The following HDAC9 variants were observed in gnomAD, a reference collection of about 807,000 sequenced individuals.
HDAC9 encodes the protein MEF-2 interacting transcription repressor (MITR) protein.
In HDAC9, 41 loss-of-function variants were observed where a neutral mutation model predicts 139.4. That is an observed-to-expected ratio of 0.29 (90% confidence interval 0.23 to 0.38). HDAC9 has a LOEUF of 0.38. Ranked by LOEUF, HDAC9 falls within the 10% of genes least tolerant of loss-of-function variation. The pLI, the probability that HDAC9 is intolerant of heterozygous loss-of-function variation, is 1.00. For synonymous variants in HDAC9, 517 were observed against 476.2 expected (o/e 1.09, Z -1.12); for missense variants, 1,147 against 1,297.0 (o/e 0.88, Z 1.78).
chr7:18,088,460 A>G lies in HDAC9; in HGVS notation c.-97+1247A>G, dbSNP rs117294308. Among the ~76,000 whole-genome samples, 810 of 152,336 alleles carry G rather than the reference A, an allele frequency of 5.3e-3. 5 individuals carry two copies. The highest frequency in any genetic ancestry group is 8.2e-3 in the Non-Finnish European group (561 of 68,028). On this transcript the variant is annotated intron_variant, in intron 1 of 12. Transcript: ENST00000417496. ...CTGGAAAAAGGGAGTACGTACATAG[A>G]AAACCCATATTAAAGGAAAAAAACA...
At chr7:18,532,866 G>T (rs1003766390) in intron 2 of HDAC9, among the ~76,000 whole-genome samples, 13 of 151,340 alleles carry the variant, frequency 8.6e-5, no homozygotes, top group Non-Finnish European at 8.8e-5. Flanking sequence ...TATCCGTTTA[G>T]AAAATTATTT....
chr7:18,649,495 G>T (rs971509685), intron 11 of HDAC9, among the ~76,000 whole-genome samples: 4 of 152,044 alleles, frequency 2.6e-5, no homozygotes, highest in African/African-American at 9.7e-5. Flanking sequence ...CCTTTGTGCT[G>T]TATCATCTAC....
At chr7:18,567,760 A>T (rs1237946377) in intron 2 of HDAC9, among the ~76,000 whole-genome samples, 2 of 152,084 alleles carry the variant, frequency 1.3e-5, no homozygotes, top group Non-Finnish European at 2.9e-5. Flanking sequence ...TAGTGGTTTG[A>T]CTACAGATCT....
At chr7:18,461,153 A>G (rs550549165) in intron 1 of HDAC9, among the ~76,000 whole-genome samples, 2 of 152,190 alleles carry the variant, frequency 1.3e-5, no homozygotes, top group African/African-American at 4.8e-5. Context: ...TATTTCTCTC[A>G]GACATACGCA....
intron 2 of HDAC9, among the ~76,000 whole-genome samples, chr7:18,506,353 G>A (rs1407899909): frequency 6.6e-6 from 1 of 152,110 alleles, no homozygotes; most frequent in African/African-American, 2.4e-5. Context: ...GACACACAGG[G>A]TTTATTTTTA....
At chr7:18,416,075 C>A (rs1233073458) in intron 1 of HDAC9, among the ~76,000 whole-genome samples, 3 of 152,124 alleles carry the variant, frequency 2.0e-5, no homozygotes, top group African/African-American at 7.2e-5. Flanking sequence ...GGGCGGATCA[C>A]CTGAGGTCAG....
At chr7:18,561,162 G>A (rs1290493953) in intron 2 of HDAC9, among the ~76,000 whole-genome samples, 1 of 152,204 alleles carries the variant, frequency 6.6e-6, no homozygotes, top group African/African-American at 2.4e-5. Flanking sequence ...TCAGTTATTT[G>A]TGGTGGCATT....
chr7:18,518,237 G>T (rs1803862322), intron 2 of HDAC9, among the ~76,000 whole-genome samples: 1 of 152,034 alleles, frequency 6.6e-6, no homozygotes, highest in African/African-American at 2.4e-5. Flanking sequence ...TCATTTATTT[G>T]GGAACTTCTT....
chr7:18,354,786 A>G (rs1783124143), intron 1 of HDAC9, among the ~76,000 whole-genome samples: 1 of 152,134 alleles, frequency 6.6e-6, no homozygotes. Flanking sequence ...GGATGTGGTG[A>G]GGGAAATGCC....
At chr7:18,772,867 A>G (rs1255325024) in intron 16 of HDAC9, among the ~76,000 whole-genome samples, 2 of 152,210 alleles carry the variant, frequency 1.3e-5, no homozygotes, top group African/African-American at 4.8e-5. Flanking sequence ...AATGCATGAA[A>G]TATTATTAAA....
intron 2 of HDAC9, among the ~76,000 whole-genome samples, chr7:18,166,167 T>C (rs1387499185): frequency 6.6e-6 from 1 of 152,236 alleles, no homozygotes; most frequent in African/African-American, 2.4e-5. Context: ...TAGAACACAA[T>C]GTGCCTGTTG....
In HDAC9 at chr7:18,962,458, T is replaced by C. The variant is rs148900006; in HGVS notation, c.3022+8228T>C. Among the ~76,000 whole-genome samples, 36 of 152,244 alleles carry C rather than the reference T, an allele frequency of 2.4e-4. No homozygotes were observed. In the East Asian group the frequency reaches 4.3e-3, roughly 18 times the overall value. Reference sequence around the variant, plus strand: ...TTGGTGGCGCCCTAATACTAGAATGTATCAGAATAAAAAAGAAAAGTCTGC... The same window carrying C: ...TTGGTGGCGCCCTAATACTAGAATGCATCAGAATAAAAAAGAAAAGTCTGC... On this transcript the variant is annotated intron_variant, in intron 24 of 25. Coordinates refer to ENST00000686413, the MANE Select transcript of HDAC9 (RefSeq NM_178425.4).
At chr7:18,288,261 T>C (rs73305234), upstream of HDAC9, among the ~76,000 whole-genome samples, 3,082 of 152,298 alleles carry the variant, frequency 0.02, 106 homozygotes, top group African/African-American at 0.07. Context: ...AAGAAATAAA[T>C]ATCAGATCTT....
intron 2 of HDAC9, among the ~76,000 whole-genome samples, chr7:18,238,512 A>T (rs1039403594): frequency 6.6e-6 from 1 of 151,380 alleles, no homozygotes; most frequent in African/African-American, 2.4e-5. Context: ...GCTTTTGATG[A>T]CATGCCTTCA....
chr7:18,377,087 T>C (rs1430119094), intron 1 of HDAC9, among the ~76,000 whole-genome samples: 1 of 152,128 alleles, frequency 6.6e-6, no homozygotes, highest in Non-Finnish European at 1.5e-5. Flanking sequence ...CAACAGAAAT[T>C]GATTTCTCAC....
At chr7:18,843,064 C>T (rs1412885562) in intron 21 of HDAC9, among the ~76,000 whole-genome samples, 1 of 151,944 alleles carries the variant, frequency 6.6e-6, no homozygotes, top group African/African-American at 2.4e-5. Flanking sequence ...TTTTTCTCTG[C>T]CTTAAAATGG....
At chr7:18,903,745 A>C in intron 22 of HDAC9, among the ~76,000 whole-genome samples, 1 of 152,204 alleles carries the variant, frequency 6.6e-6, no homozygotes, top group Non-Finnish European at 1.5e-5. Flanking sequence ...TGAAGCTTCA[A>C]TTCCACTCCT....
intron 1 of HDAC9, among the ~76,000 whole-genome samples, chr7:18,159,095 T>G (rs1554315014): frequency 1.3e-5 from 2 of 152,178 alleles, no homozygotes; most frequent in Non-Finnish European, 1.5e-5. Context: ...GCAGCAGTTG[T>G]TTTTGCTGCA....
intron 11 of HDAC9, among the ~76,000 whole-genome samples, chr7:18,651,327 C>G (rs560510982): frequency 1.3e-4 from 20 of 152,240 alleles, no homozygotes; most frequent in Admixed American, 1.3e-4. Flanking sequence ...ATACTTATAG[C>G]AGGAAATACA....
Sources: allele counts gnomAD v4.1 joint callset (sites outside exome capture counted in the v4.1 genomes callset), GRCh38; gene constraint gnomAD v4.1.1; transcripts MANE v1.5; gene names NCBI Gene and HGNC (gene_info 2026-07-23, HGNC 2026-07-21).